The following TREM1 variants were observed in gnomAD, a reference collection of about 807,000 sequenced individuals.
TREM1 encodes triggering receptor expressed on monocytes 1.
TREM1 carries 16 observed loss-of-function variants against 22.4 expected under a neutral mutation model. The ratio of observed to expected loss-of-function variants is 0.71; its 90% CI spans 0.48 to 1.08. The LOEUF is 1.08. Ranked by LOEUF, TREM1 falls within the 50% of genes least tolerant of loss-of-function variation. The probability of loss-of-function intolerance (pLI) is 0.00; values close to 1 mark genes in which losing one functional copy is unlikely to be tolerated. For missense variants in TREM1, 283 were observed against 282.9 expected, an observed-to-expected ratio of 1.00 and a Z score of 0.00; for synonymous variants, 110 against 111.6, an observed-to-expected ratio of 0.99 and a Z score of 0.09.
chr6:41,270,062 TAG>T (rs1767436305), downstream of TREM1: 1 of 152,226 alleles, frequency 6.6e-6, no homozygotes, highest in Non-Finnish European at 1.5e-5. Flanking sequence ...TCTTTGTTTC[TAG>T]TCTCCATGAG....
chr6:41,276,272 T>C (rs769832704), intron 3 of TREM1, 42 bp from the exon 4 acceptor site: 1 of 1,452,240 alleles, frequency 6.9e-7, no homozygotes, highest in Middle Eastern at 1.9e-4. Context: ...TGGCAAAGTC[T>C]CTCCCACACG....
chr6:41,286,566 G>A (rs1425604853), intron 1 of TREM1, 41 bp downstream of exon 1: 2 of 1,611,362 alleles, frequency 1.2e-6, no homozygotes, highest in South Asian at 2.2e-5. Flanking sequence ...CGAGATCCTG[G>A]ACCAAACGCC....
Position 41,275,773 on chromosome 6 carries a change from CAGG to C in TREM1, c.*349_*351del, listed in dbSNP as rs895038439. 4.3e-5 allele frequency: 13 copies of C among 305,482 alleles called. No individual in the cohort carries two copies. Among genetic ancestry groups the C allele is most frequent in the African/African-American group, 2.8e-4 (13 of 46,206 alleles). The allele number at this position is 305,482 out of a possible 1,614,324, so 18.9% of individuals were successfully genotyped here. On this transcript the variant is annotated 3_prime_UTR_variant, in exon 4 of 4. Coordinates refer to ENST00000244709, the MANE Select transcript of TREM1 (RefSeq NM_018643.5). Reference sequence around the variant, plus strand: ...TTGTATGGTCCAGGGCAAAACTGAGCAGGAGAAGTATCAGGTGTGCCTTCTGCA... The same window carrying C: ...TTGTATGGTCCAGGGCAAAACTGAGCAGAAGTATCAGGTGTGCCTTCTGCA...
At chr6:41,283,993 A>C (rs7775562) in intron 1 of TREM1, among the ~76,000 whole-genome samples, 1 of 151,862 alleles carries the variant, frequency 6.6e-6, no homozygotes, top group Admixed American at 6.6e-5. Context: ...AGTGGAGGGG[A>C]GAGAAAGAAA....
intron 3 of TREM1, 60 bp downstream of exon 3, chr6:41,280,901 A>G: frequency 6.2e-7 from 1 of 1,612,592 alleles, no homozygotes; most frequent in Admixed American, 1.7e-5. Flanking sequence ...CTCAGCACAC[A>G]GACTGGGAAA....
rs1353313795 is a variant in TREM1 at position 41,274,891 on chromosome 6, G to T, written c.*1234C>A. On this transcript the variant is annotated 3_prime_UTR_variant, in exon 4 of 4. Transcript: ENST00000244709. The stretch of plus-strand genomic sequence containing the variant: ...TGTGTGGAAAAGTATGATTGCTCTT[G>T]GGAACTGAGGATAATATCTGCCCTG... Among the ~76,000 whole-genome samples, 4 of 152,102 alleles carry T rather than the reference G, an allele frequency of 2.6e-5. No individual in the cohort carries two copies. Among genetic ancestry groups the T allele is most frequent in the Non-Finnish European group, 5.9e-5 (4 of 68,024 alleles).
At chr6:41,286,093 C>A (rs1214053166) in intron 1 of TREM1, among the ~76,000 whole-genome samples, 1 of 152,184 alleles carries the variant, frequency 6.6e-6, no homozygotes, top group African/African-American at 2.4e-5. Context: ...CCCTCCAACC[C>A]CAGCGTGCCA....
downstream of TREM1, among the ~76,000 whole-genome samples, chr6:41,267,458 C>G (rs1024896040): frequency 6.6e-6 from 1 of 151,966 alleles, no homozygotes; most frequent in Non-Finnish European, 1.5e-5. Flanking sequence ...CAAAAGCACA[C>G]AAAATCAATT....
Position 41,282,531 on chromosome 6 carries a change from G to A in TREM1, c.270C>T (p.Tyr90=), listed in dbSNP as rs779439964. The change falls in exon 2 of 4, where the codon TAC becomes TAT. Residue 90 remains tyrosine (Y), a synonymous_variant. Coordinates refer to ENST00000244709, the MANE Select transcript of TREM1 (RefSeq NM_018643.5). ...VQVGRIILED[Y]HDHGLLRVRM... is the part of the protein sequence containing the mutation. ...GGACGCGCAGTAAACCATGATCATG[G>A]TAGTCTTCTAGTATGATCCTCCCCA... The A allele has an allele frequency of 2.5e-6, 4 of 1,614,154 alleles. No individual in the cohort carries two copies. Among genetic ancestry groups the A allele is most frequent in the Non-Finnish European group, 3.4e-6 (4 of 1,180,028 alleles).
intron 3 of TREM1, among the ~76,000 whole-genome samples, chr6:41,276,552 G>T (rs1037669851): frequency 1.3e-5 from 2 of 152,082 alleles, no homozygotes; most frequent in African/African-American, 2.4e-5. Context: ...TCTCAGTACC[G>T]TACCCTGCCT....
intron 3 of TREM1, chr6:41,280,586 C>A (rs887829377): frequency 2.4e-6 from 3 of 1,225,618 alleles, no homozygotes; most frequent in Non-Finnish European, 2.0e-6. Context: ...CACCCAAAGT[C>A]ACATTCAGTT....
At chr6:41,276,756 A>C (rs962006627) in intron 3 of TREM1, among the ~76,000 whole-genome samples, 6 of 152,140 alleles carry the variant, frequency 3.9e-5, no homozygotes, top group Non-Finnish European at 8.8e-5. Context: ...TTCCATCAGC[A>C]GACATGCAAG....
At chr6:41,283,378 C>T (rs1768015128) in intron 1 of TREM1, among the ~76,000 whole-genome samples, 3 of 152,164 alleles carry the variant, frequency 2.0e-5, no homozygotes, top group South Asian at 2.1e-4. Context: ...CCCACATTCT[C>T]AAGGATGGGC....
rs372043180 is a variant in TREM1, at chr6:41,282,694, G to A, written c.107C>T (p.Thr36Ile). Residue 36 changes from threonine (T) to isoleucine (I), a missense_variant, in exon 2 of 4, where the codon ACC becomes ATC. By Grantham distance (89) the Thr-to-Ile change is moderately conservative. Coordinates refer to ENST00000244709, the MANE Select transcript of TREM1 (RefSeq NM_018643.5). ...CGTGTAGTCACATTTCACATCCAGG[G>A]TCTGCCCCTCTTTCAGTTCATACTT... ...EEKYELKEGQ[T>I]LDVKCDYTLE... The A allele has an allele frequency of 8.1e-6, 13 of 1,614,118 alleles. No individual in the cohort carries two copies. The highest frequency in any genetic ancestry group is 5.3e-5 in the African/African-American group (4 of 75,022).
chr6:41,272,080 C>A (rs1767494561), downstream of TREM1, among the ~76,000 whole-genome samples: 1 of 152,212 alleles, frequency 6.6e-6, no homozygotes, highest in African/African-American at 2.4e-5. Flanking sequence ...TCACCATCTC[C>A]CCACGAGGCT....
Position 41,282,416 on chromosome 6 carries a change from T to C in TREM1, c.385A>G (p.Ile129Val). Reference sequence around the variant, plus strand: ...TCACCCTTGGTCACCACCAAGCGGATGCGATCGAACAGCATGTGAGGCTCC... The same window carrying C: ...TCACCCTTGGTCACCACCAAGCGGACGCGATCGAACAGCATGTGAGGCTCC... Reference protein sequence around the residue: ...PKEPHMLFDRIRLVVTKGFSG... With the variant: ...PKEPHMLFDRVRLVVTKGFSG... Residue 129 changes from isoleucine to valine, a missense_variant, in exon 2 of 4, where the codon ATC becomes GTC. Transcript: ENST00000244709. 6.2e-7 allele frequency: 1 copy of C among 1,612,492 alleles called. No homozygotes were observed. Among genetic ancestry groups the C allele is most frequent in the Non-Finnish European group, 8.5e-7 (1 of 1,178,954 alleles).
intron 3 of TREM1, chr6:41,280,203 T>C: frequency 1.0e-6 from 1 of 962,788 alleles, no homozygotes; most frequent in East Asian, 1.1e-4. Context: ...TGTGGAAAAG[T>C]ATTTCCATCC....
In TREM1 at chr6:41,282,694, G is replaced by T. The variant is rs372043180; in HGVS notation, c.107C>A (p.Thr36Asn). 13 of 1,614,118 alleles carry T rather than the reference G, an allele frequency of 8.1e-6. No homozygotes were observed. The highest frequency in any genetic ancestry group is 1.1e-5 in the Non-Finnish European group (13 of 1,180,020). Residue 36 changes from threonine (T) to asparagine (N), a missense_variant, in exon 2 of 4, where the codon ACC (threonine) becomes AAC (asparagine). Coordinates refer to ENST00000244709, the MANE Select transcript of TREM1 (RefSeq NM_018643.5). Reference protein sequence around the residue: ...EEKYELKEGQTLDVKCDYTLE... With the variant: ...EEKYELKEGQNLDVKCDYTLE... ...CGTGTAGTCACATTTCACATCCAGGGTCTGCCCCTCTTTCAGTTCATACTT... is the reference window on the plus strand; with the variant it reads ...CGTGTAGTCACATTTCACATCCAGGTTCTGCCCCTCTTTCAGTTCATACTT...
rs142898937 is a variant in TREM1 at position 41,275,904 on chromosome 6, G to T, written c.*221C>A. ...GGAATGAAGGACCAAGCATGTTTGGGGCTGTAACTTCTTTTCTGAGGCACA... is the reference window on the plus strand; with the variant it reads ...GGAATGAAGGACCAAGCATGTTTGGTGCTGTAACTTCTTTTCTGAGGCACA... On this transcript the variant is annotated 3_prime_UTR_variant, in exon 4 of 4. Coordinates refer to ENST00000244709, the MANE Select transcript of TREM1 (RefSeq NM_018643.5). The T allele has an allele frequency of 7.0e-4, 401 of 571,774 alleles. No individual in the cohort carries two copies. The highest frequency in any genetic ancestry group is 1.1e-3 in the Admixed American group (35 of 32,844). 35.4% of individuals were successfully genotyped at this position (571,774 alleles called of 1,614,324 possible).
Sources: allele counts gnomAD v4.1 joint callset (sites outside exome capture counted in the v4.1 genomes callset), GRCh38; gene constraint gnomAD v4.1.1; transcripts MANE v1.5; gene names NCBI Gene and HGNC (gene_info 2026-07-23, HGNC 2026-07-21).